The following TAF1B variants were observed in gnomAD, a reference collection of about 807,000 sequenced individuals.
The protein encoded by TAF1B is TATA-box binding protein associated factor, RNA polymerase I subunit B.
In TAF1B, 61 loss-of-function variants were observed where a neutral mutation model predicts 83.9. The ratio of observed to expected loss-of-function variants is 0.73; its 90% CI spans 0.59 to 0.90. The LOEUF is 0.90. Among genes scored for constraint, TAF1B ranks in the 40% least tolerant of loss-of-function variants. The probability of loss-of-function intolerance (pLI) is 0.00; values close to 1 mark genes in which losing one functional copy is unlikely to be tolerated. For missense variants in TAF1B, 625 were observed against 677.0 expected, an observed-to-expected ratio of 0.92 and a Z score of 0.85; for synonymous variants, 221 against 224.6, an observed-to-expected ratio of 0.98 and a Z score of 0.14.
chr2:9,924,511 C>T (rs1172322251), intron 14 of TAF1B, among the ~76,000 whole-genome samples: 1 of 152,236 alleles, frequency 6.6e-6, no homozygotes, highest in Non-Finnish European at 1.5e-5. Flanking sequence ...CTCCATGCCA[C>T]TAAATAAGGG....
At chr2:9,923,316 T>C (rs1309267778) in intron 14 of TAF1B, among the ~76,000 whole-genome samples, 2 of 151,340 alleles carry the variant, frequency 1.3e-5, no homozygotes, top group East Asian at 3.9e-4. Flanking sequence ...CAGTGGGAGA[T>C]GATAAAGTTG....
At chr2:9,849,515 A>T in intron 3 of TAF1B, 55 bp downstream of exon 3, 3 of 1,301,608 alleles carry the variant, frequency 2.3e-6, no homozygotes, top group Non-Finnish European at 3.1e-6. Flanking sequence ...TTTCACCTTC[A>T]TGATGTCAGG....
chr2:9,854,548 G>T, intron 5 of TAF1B, 127 bp downstream of exon 5: 1 of 671,272 alleles, frequency 1.5e-6, no homozygotes. Flanking sequence ...CAGTTAAGAG[G>T]CTTCTGTTAC....
chr2:9,869,600 G>A (rs987023138), intron 6 of TAF1B, among the ~76,000 whole-genome samples: 1 of 151,758 alleles, frequency 6.6e-6, no homozygotes, highest in African/African-American at 2.4e-5. Context: ...CAATGGCCGG[G>A]CGTAGTGGCT....
intron 6 of TAF1B, among the ~76,000 whole-genome samples, chr2:9,872,703 G>T (rs971201929): frequency 6.6e-6 from 1 of 152,160 alleles, no homozygotes; most frequent in African/African-American, 2.4e-5. Context: ...ACCTTAACTG[G>T]AAGTCCTTAC....
At chr2:9,921,572 G>C (rs375249108) in intron 14 of TAF1B, among the ~76,000 whole-genome samples, 1 of 152,184 alleles carries the variant, frequency 6.6e-6, no homozygotes, top group Non-Finnish European at 1.5e-5. Flanking sequence ...AGGTAACTCA[G>C]GAAGTTTGTT....
chr2:9,919,535 C>A, intron 13 of TAF1B, 63 bp from the exon 14 acceptor site: 1 of 1,430,814 alleles, frequency 7.0e-7, no homozygotes, highest in South Asian at 1.2e-5. Flanking sequence ...CAAGTAAATT[C>A]CAGGCTTTAT....
At chr2:9,885,004 A>G (rs922164146) in intron 8 of TAF1B, among the ~76,000 whole-genome samples, 1 of 152,176 alleles carries the variant, frequency 6.6e-6, no homozygotes, top group Non-Finnish European at 1.5e-5. Context: ...CTAGTTGTCC[A>G]TTTCCTTCTG....
At chr2:9,877,216 T>C (rs1664345675) in intron 7 of TAF1B, among the ~76,000 whole-genome samples, 1 of 152,228 alleles carries the variant, frequency 6.6e-6, no homozygotes, top group African/African-American at 2.4e-5. Context: ...CCCAGACTTG[T>C]CTACTGAGGG....
intron 7 of TAF1B, among the ~76,000 whole-genome samples, chr2:9,878,892 C>T (rs956881535): frequency 1.1e-4 from 16 of 152,132 alleles, no homozygotes; most frequent in African/African-American, 3.9e-4. Flanking sequence ...CAGGGAAAGG[C>T]TATTCAGAAG....
intron 2 of TAF1B, 113 bp from the exon 3 acceptor site, chr2:9,849,260 C>G (rs1663303785): frequency 2.9e-6 from 2 of 690,354 alleles, no homozygotes; most frequent in Non-Finnish European, 4.8e-6. Context: ...TTTTACCATC[C>G]TTGGTCCTGG....
rs763080826 is a variant in TAF1B, at chr2:9,910,893, A to G, written c.1113A>G (p.Leu371=). ...IIVVVLKLLF[L]LDDSFEWSLS... ...TGGTGGTATTGAAACTGCTCTTTCT[A>G]TTGGATGACAGTTTCGAGTGGTAAG... Residue 371 remains leucine, a synonymous_variant, in exon 10 of 15, where the codon CTA becomes CTG. Coordinates refer to ENST00000263663, the MANE Select transcript of TAF1B (RefSeq NM_005680.3). 11 of 1,610,946 alleles carry G rather than the reference A, an allele frequency of 6.8e-6. No homozygotes were observed. The highest frequency in any genetic ancestry group is 9.3e-6 in the Non-Finnish European group (11 of 1,178,604).
intron 5 of TAF1B, among the ~76,000 whole-genome samples, chr2:9,867,255 C>A (rs1389355270): frequency 6.6e-6 from 1 of 152,150 alleles, no homozygotes; most frequent in Admixed American, 6.5e-5. Context: ...AATAGAGAAA[C>A]TGGCTTTAAA....
At chr2:9,931,038 C>CT (rs546196413) in intron 14 of TAF1B, among the ~76,000 whole-genome samples, 2,648 of 151,928 alleles carry the variant, frequency 0.017, 33 homozygotes, top group African/African-American at 0.027. Flanking sequence ...TCCTCCATCC[C>CT]TTTTTTTTGA....
At chr2:9,870,630 A>G (rs185798711) in intron 6 of TAF1B, among the ~76,000 whole-genome samples, 1 of 152,240 alleles carries the variant, frequency 6.6e-6, no homozygotes, top group Non-Finnish European at 1.5e-5. Context: ...GACATTAGCT[A>G]TTCAATTCTG....
At chr2:9,902,724 G>A (rs935577872) in intron 8 of TAF1B, among the ~76,000 whole-genome samples, 1 of 152,102 alleles carries the variant, frequency 6.6e-6, no homozygotes, top group Admixed American at 6.5e-5. Context: ...TGTCTTTTAT[G>A]GGCATGCATA....
chr2:9,845,372 C>T, intron 2 of TAF1B, 54 bp downstream of exon 2: 1 of 1,451,976 alleles, frequency 6.9e-7, no homozygotes, highest in Non-Finnish European at 9.6e-7. Flanking sequence ...ATTGCCATTT[C>T]AGCCTGATAT....
chr2:9,876,459 A>G (rs1312496053), intron 7 of TAF1B, among the ~76,000 whole-genome samples: 1 of 152,232 alleles, frequency 6.6e-6, no homozygotes, highest in Non-Finnish European at 1.5e-5. Context: ...AAAGTTGAAG[A>G]CAAAACTGTT....
At chr2:9,858,713 T>A (rs998786497) in intron 5 of TAF1B, among the ~76,000 whole-genome samples, 2 of 152,242 alleles carry the variant, frequency 1.3e-5, no homozygotes, top group African/African-American at 4.8e-5. Flanking sequence ...ACGTGGAAGC[T>A]GCCAAAGCTT....
Sources: gnomAD v4.1 joint callset for allele counts (sites outside exome capture counted in the v4.1 genomes callset) on GRCh38, gnomAD v4.1.1 for gene constraint, MANE v1.5 for transcripts, NCBI Gene and HGNC (gene_info 2026-07-23, HGNC 2026-07-21) for gene names.